The following EID2 variants were observed in gnomAD, a reference collection of about 807,000 sequenced individuals.
The protein encoded by EID2 is EP300-interacting inhibitor of differentiation 2.
EID2 carries 1 observed loss-of-function variant against 2.6 expected under a neutral mutation model. That is an observed-to-expected ratio of 0.39 (90% CI 0.14 to 1.85). The LOEUF (loss-of-function observed/expected upper bound fraction) is 1.85, where lower values mean the gene tolerates loss of function less well. Ranked by LOEUF, EID2 falls within the 40% of genes most tolerant of loss-of-function variation. The pLI is 0.32. For synonymous variants in EID2, 126 were observed against 147.2 expected (o/e 0.86, Z 1.04); for missense variants, 285 against 338.4 (o/e 0.84, Z 1.24).
Position 39,540,023 on chromosome 19 carries a change from G to C in EID2, c.57C>G (p.Asp19Glu). 1.3e-6 allele frequency: 2 copies of C among 1,595,700 alleles called. No individual in the cohort carries two copies. Among genetic ancestry groups the C allele is most frequent in the Non-Finnish European group, 1.7e-6 (2 of 1,177,758 alleles). The change falls in exon 1 of 1, where the codon GAC becomes GAG. Residue 19 changes from aspartate (D) to glutamate (E), a missense_variant. By Grantham distance (45) the Asp-to-Glu change is conservative (BLOSUM62 2). Transcript: ENST00000390658. ...CTACCTCCGCCTGCGGGACGTCTCT[G>C]TCACCATTCGCCGCGCCTGTCTGCG... ...SVPQTGAANGDRDVPQAEVGR... is the reference protein window; with the variant it reads ...SVPQTGAANGERDVPQAEVGR...
rs780862481 is a variant in EID2 at position 39,539,432 on chromosome 19, G to A, written c.648C>T (p.Ala216=). The A allele has an allele frequency of 6.8e-6, 11 of 1,614,102 alleles. No homozygotes were observed. Among genetic ancestry groups the A allele is most frequent in the Middle Eastern group, 1.6e-4 (1 of 6,084 alleles). ...DILTFTIALT[A]SEVINPLIEE... is the part of the protein sequence containing the mutation. ...CTATCAGAGGGTTGATAACTTCAGA[G>A]GCAGTCAGAGCTATCGTAAAGGTTA... The change falls in exon 1 of 1, where the codon GCC becomes GCT. Residue 216 remains alanine, a synonymous_variant. Transcript: ENST00000390658.
chr19:39,539,695 G>C lies in EID2; in HGVS notation c.385C>G (p.His129Asp). ...AACGCAGCCAGGCCTCCGTTCCCGTGTCTGGACCTGGGCCTGCCCTCGGGA... is the reference window on the plus strand; with the variant it reads ...AACGCAGCCAGGCCTCCGTTCCCGTCTCTGGACCTGGGCCTGCCCTCGGGA... ...EGPEGRPRSR[H>D]GNGGLAALPY... Residue 129 changes from histidine (H) to aspartate (D), a missense_variant, in exon 1 of 1, where the codon CAC (histidine) becomes GAC (aspartate). His to Asp is a moderately conservative substitution (Grantham distance 81). Coordinates refer to ENST00000390658, the MANE Select transcript of EID2 (RefSeq NM_153232.4). 1 of 1,614,142 alleles carries C rather than the reference G, an allele frequency of 6.2e-7. No individual in the cohort carries two copies. The highest frequency in any genetic ancestry group is 8.5e-7 in the Non-Finnish European group (1 of 1,180,020).
Position 39,539,810 on chromosome 19 carries a change from C to T in EID2, c.270G>A (p.Ala90=), listed in dbSNP as rs1170277093. 4 of 1,559,238 alleles carry T rather than the reference C, an allele frequency of 2.6e-6. No homozygotes were observed. Among genetic ancestry groups the T allele is most frequent in the South Asian group, 2.3e-5 (2 of 87,142 alleles). ...AAAALARAAA[A]GRESPAAAAA... Reference sequence around the variant, plus strand: ...CCGCCGCCGCCGGGCTTTCCCTGCCCGCCGCGGCTGCCCTGGCCAACGCCG... The same window carrying T: ...CCGCCGCCGCCGGGCTTTCCCTGCCTGCCGCGGCTGCCCTGGCCAACGCCG... The change falls in exon 1 of 1, where the codon GCG becomes GCA. Residue 90 remains alanine (A), a synonymous_variant. Coordinates refer to ENST00000390658, the MANE Select transcript of EID2 (RefSeq NM_153232.4).
Position 39,539,251 on chromosome 19 carries a change from T to C in EID2, c.*118A>G, listed in dbSNP as rs781626999. 3.3e-6 allele frequency: 3 copies of C among 917,204 alleles called. No homozygotes were observed. Among genetic ancestry groups the C allele is most frequent in the Non-Finnish European group, 4.9e-6 (3 of 611,160 alleles). The allele number at this position is 917,204 out of a possible 1,614,324, so 56.8% of individuals were successfully genotyped here. A position where few individuals can be genotyped will look rare whatever the true frequency, so the allele number is the denominator to read the frequency against. ...AAGATAAGCTTCCCCCTCCCCCTTT[T>C]TTTCCCCTCCACCTGTGCACTGTCT... On this transcript the variant is annotated 3_prime_UTR_variant, in exon 1 of 1. Transcript: ENST00000390658.
chr19:39,540,118 C>A lies in EID2; in HGVS notation c.-39G>T. The A allele has an allele frequency of 6.3e-7, 1 of 1,583,000 alleles. No individual in the cohort carries two copies. The highest frequency in any genetic ancestry group is 8.6e-7 in the Non-Finnish European group (1 of 1,166,342). ...GTCAACTCGGCTGCTCCCAGAGAAA[C>A]TGGAATAACTGGACAGAGCGATGCC... is the stretch of plus-strand genomic sequence containing the variant. On this transcript the variant is annotated 5_prime_UTR_variant, in exon 1 of 1. Coordinates refer to ENST00000390658, the MANE Select transcript of EID2 (RefSeq NM_153232.4).
At position 39,539,112 on chromosome 19, in the gene EID2, G is replaced by A; in HGVS notation, c.*257C>T. 1 of 415,732 alleles carries A rather than the reference G, an allele frequency of 2.4e-6. No homozygotes were observed. The highest frequency in any genetic ancestry group is 4.4e-6 in the Non-Finnish European group (1 of 229,220). 25.8% of individuals were successfully genotyped at this position (415,732 alleles called of 1,614,324 possible). On this transcript the variant is annotated 3_prime_UTR_variant, in exon 1 of 1. Transcript: ENST00000390658. ...ATCCTTTACTTTGTAATAAAGCAAT[G>A]CTGAGAGACATTTTCCATAATGCAG...
Position 39,539,510 on chromosome 19 carries a change from T to C in EID2, c.570A>G (p.Ala190=). Residue 190 remains alanine (A), a synonymous_variant, in exon 1 of 1, where the codon GCA becomes GCG. Transcript: ENST00000390658. ...RFVEACRARE[A]AFDAEYQRNP... Reference sequence around the variant, plus strand: ...TTCGCTGATATTCGGCATCAAACGCTGCTTCCCTTGCTCTGCAGGCTTCCA... The same window carrying C: ...TTCGCTGATATTCGGCATCAAACGCCGCTTCCCTTGCTCTGCAGGCTTCCA... The C allele has an allele frequency of 6.2e-7, 1 of 1,614,282 alleles. No homozygotes were observed. Among genetic ancestry groups the C allele is most frequent in the Non-Finnish European group, 8.5e-7 (1 of 1,180,048 alleles).
Position 39,539,492 on chromosome 19 carries a change from A to G in EID2, c.588T>C (p.Tyr196=), listed in dbSNP as rs1400244739. Residue 196 remains tyrosine (Y), a synonymous_variant, in exon 1 of 1, where the codon TAT becomes TAC. Coordinates refer to ENST00000390658, the MANE Select transcript of EID2 (RefSeq NM_153232.4). Reference sequence around the variant, plus strand: ...GGTCCACCCTGTGAGGATTTCGCTGATATTCGGCATCAAACGCTGCTTCCC... The same window carrying G: ...GGTCCACCCTGTGAGGATTTCGCTGGTATTCGGCATCAAACGCTGCTTCCC... The part of the protein sequence containing the change: ...RAREAAFDAE[Y]QRNPHRVDLD... 8 of 1,614,280 alleles carry G rather than the reference A, an allele frequency of 5.0e-6. No individual in the cohort carries two copies. Among genetic ancestry groups the G allele is most frequent in the Non-Finnish European group, 6.8e-6 (8 of 1,180,058 alleles).
Position 39,539,066 on chromosome 19 carries a change from C to A in EID2, c.*303G>T. On this transcript the variant is annotated 3_prime_UTR_variant, in exon 1 of 1. Coordinates refer to ENST00000390658, the MANE Select transcript of EID2 (RefSeq NM_153232.4). Reference sequence around the variant, plus strand: ...ATGGGCTCTAGTATTGATGTTTCATCAGTCTCAATTTTATAAAACCATCCT... The same window carrying A: ...ATGGGCTCTAGTATTGATGTTTCATAAGTCTCAATTTTATAAAACCATCCT... 3.4e-6 allele frequency: 1 copy of A among 294,084 alleles called. No individual in the cohort carries two copies. 18.2% of individuals were successfully genotyped at this position (294,084 alleles called of 1,614,324 possible). A position where few individuals can be genotyped will look rare whatever the true frequency, so the allele number is the denominator to read the frequency against.
rs1383343736 is a variant in EID2 at position 39,539,738 on chromosome 19, C to T, written c.342G>A (p.Glu114=). 1 of 1,611,850 alleles carries T rather than the reference C, an allele frequency of 6.2e-7. No individual in the cohort carries two copies. Among genetic ancestry groups the T allele is most frequent in the Admixed American group, 1.7e-5 (1 of 60,004 alleles). Residue 114 remains glutamate, a synonymous_variant, in exon 1 of 1, where the codon GAG becomes GAA. Coordinates refer to ENST00000390658, the MANE Select transcript of EID2 (RefSeq NM_153232.4). ...RMAEVARLLG[E]PVDEEGPEGR... ...CCTCGGGACCCTCTTCGTCCACTGG[C>T]TCCCCCAGCAAGCGGGCGACCTCCG...
At position 39,539,644 on chromosome 19, in the gene EID2, G is replaced by T; in HGVS notation, c.436C>A (p.Leu146Ile). 6.2e-7 allele frequency: 1 copy of T among 1,614,264 alleles called. No homozygotes were observed. Among genetic ancestry groups the T allele is most frequent in the Non-Finnish European group, 8.5e-7 (1 of 1,180,038 alleles). ...ALPYLRLRHP[L>I]SVLGINYQQF... ...TGGTAATTGATGCCTAAAACGCTAA[G>T]TGGGTGGCGGAGACGGAGATAGGGC... The change falls in exon 1 of 1, where the codon CTT becomes ATT. Residue 146 changes from leucine to isoleucine, a missense_variant. Transcript: ENST00000390658.
At position 39,539,609 on chromosome 19, in the gene EID2, G is replaced by C. The variant is rs749057544; in HGVS notation, c.471C>G (p.Leu157=). 2.5e-6 allele frequency: 4 copies of C among 1,614,252 alleles called. No individual in the cohort carries two copies. The Admixed American group carries it at 6.7e-5, about 27-fold the overall frequency. Residue 157 remains leucine (L), a synonymous_variant, in exon 1 of 1, where the codon CTC becomes CTG. Coordinates refer to ENST00000390658, the MANE Select transcript of EID2 (RefSeq NM_153232.4). ...TCGGGTAATTTTCCAGATAGTGGCG[G>C]AGAAACTGCTGGTAATTGATGCCTA... ...SVLGINYQQF[L]RHYLENYPIA... is the part of the protein sequence containing the mutation.
At position 39,539,188 on chromosome 19, in the gene EID2, G is replaced by T. The variant is rs150653741; in HGVS notation, c.*181C>A. 1,655 of 592,738 alleles carry T rather than the reference G, an allele frequency of 2.8e-3. 26 individuals are homozygous for T. The highest frequency in any genetic ancestry group is 0.028 in the African/African-American group (1,501 of 53,830). 36.7% of individuals were successfully genotyped at this position (592,738 alleles called of 1,614,324 possible). A position where few individuals can be genotyped will look rare whatever the true frequency, so the allele number is the denominator to read the frequency against. On this transcript the variant is annotated 3_prime_UTR_variant, in exon 1 of 1. Coordinates refer to ENST00000390658, the MANE Select transcript of EID2 (RefSeq NM_153232.4). ...ACTCAAAGAACGTTACAGTTATAATGCTTTCGACATTTTTTTCTACTTCTG... is the reference window on the plus strand; with the variant it reads ...ACTCAAAGAACGTTACAGTTATAATTCTTTCGACATTTTTTTCTACTTCTG...
chr19:39,539,374 C>G lies in EID2; in HGVS notation c.706G>C (p.Glu236Gln), dbSNP rs1180488637. 6.2e-7 allele frequency: 1 copy of G among 1,612,738 alleles called. No individual in the cohort carries two copies. The highest frequency in any genetic ancestry group is 8.5e-7 in the Non-Finnish European group (1 of 1,178,914). Residue 236 changes from glutamate to glutamine, a missense_variant, in exon 1 of 1, where the codon GAA (glutamate) becomes CAA (glutamine). Glu to Gln is a conservative substitution (Grantham distance 29, BLOSUM62 2). Coordinates refer to ENST00000390658, the MANE Select transcript of EID2 (RefSeq NM_153232.4). Reference protein sequence around the residue: ...ELGCDKFINRE With the variant: ...ELGCDKFINRQ ...GAAGTAGTGTCACCACATAACTATT[C>G]TCTATTGATAAACTTATCGCAACCA...
Position 39,539,326 on chromosome 19 carries a change from G to A in EID2, c.*43C>T. 4.5e-6 allele frequency: 7 copies of A among 1,545,272 alleles called. No individual in the cohort carries two copies. Among genetic ancestry groups the A allele is most frequent in the Non-Finnish European group, 6.2e-6 (7 of 1,124,142 alleles). The stretch of plus-strand genomic sequence containing the variant: ...GAAAATCAAGTTGCAGGATTGGTAT[G>A]ACTGGAATGCAGAGGTTCTCTTGAA... On this transcript the variant is annotated 3_prime_UTR_variant, in exon 1 of 1. Transcript: ENST00000390658.
chr19:39,539,897 ACCTTC>A lies in EID2; in HGVS notation c.178_182del (p.Glu60SerfsTer86). ...GGGCTGCCCTGGCCGCCGCCATCCG[ACCTTC>A]CCTGGCCGCCGGCACCGGGCCTCCC... On this transcript the variant is annotated frameshift_variant, in exon 1 of 1. Transcript: ENST00000390658. LOFTEE classifies it low-confidence loss of function (END_TRUNC). 7.1e-7 allele frequency: 1 copy of A among 1,410,492 alleles called. No homozygotes were observed. The highest frequency in any genetic ancestry group is 1.5e-5 in the African/African-American group (1 of 66,250). The allele number at this position is 1,410,492 out of a possible 1,614,324, so 87.4% of individuals were successfully genotyped here.
At position 39,540,120 on chromosome 19, in the gene EID2, G is replaced by A. The variant is rs758113139; in HGVS notation, c.-41C>T. ...CAACTCGGCTGCTCCCAGAGAAACT[G>A]GAATAACTGGACAGAGCGATGCCCG... On this transcript the variant is annotated 5_prime_UTR_variant, in exon 1 of 1. Coordinates refer to ENST00000390658, the MANE Select transcript of EID2 (RefSeq NM_153232.4). 1.3e-6 allele frequency: 2 copies of A among 1,582,684 alleles called. No individual in the cohort carries two copies. The highest frequency in any genetic ancestry group is 1.7e-6 in the Non-Finnish European group (2 of 1,166,166).
chr19:39,539,696 T>C lies in EID2; in HGVS notation c.384A>G (p.Arg128=). 6.2e-7 allele frequency: 1 copy of C among 1,614,134 alleles called. No individual in the cohort carries two copies. The highest frequency in any genetic ancestry group is 8.5e-7 in the Non-Finnish European group (1 of 1,180,002). ...EEGPEGRPRS[R]HGNGGLAALP... Reference sequence around the variant, plus strand: ...ACGCAGCCAGGCCTCCGTTCCCGTGTCTGGACCTGGGCCTGCCCTCGGGAC... The same window carrying C: ...ACGCAGCCAGGCCTCCGTTCCCGTGCCTGGACCTGGGCCTGCCCTCGGGAC... Residue 128 remains arginine (R), a synonymous_variant, in exon 1 of 1, where the codon AGA becomes AGG. Coordinates refer to ENST00000390658, the MANE Select transcript of EID2 (RefSeq NM_153232.4).
In EID2 at chr19:39,539,352, G is replaced by C; in HGVS notation, c.*17C>G. On this transcript the variant is annotated 3_prime_UTR_variant, in exon 1 of 1. Coordinates refer to ENST00000390658, the MANE Select transcript of EID2 (RefSeq NM_153232.4). The stretch of plus-strand genomic sequence containing the variant: ...ACTGGAATGCAGAGGTTCTCTTGAA[G>C]TAGTGTCACCACATAACTATTCTCT... 1 of 1,598,964 alleles carries C rather than the reference G, an allele frequency of 6.3e-7. No individual in the cohort carries two copies. Among genetic ancestry groups the C allele is most frequent in the Non-Finnish European group, 8.6e-7 (1 of 1,167,526 alleles).
Sources: gnomAD v4.1 joint callset for allele counts on GRCh38, gnomAD v4.1.1 for gene constraint, MANE v1.5 for transcripts, NCBI Gene and HGNC (gene_info 2026-07-23, HGNC 2026-07-21) for gene names.